The following NFIB variants were observed in gnomAD, a reference collection of about 807,000 sequenced individuals.
NFIB encodes the protein nuclear factor 1 B-type.
Under a neutral mutation model 61.5 loss-of-function variants are expected in NFIB, and 11 were observed. That is an observed-to-expected ratio of 0.18 (90% CI 0.11 to 0.30). The LOEUF (loss-of-function observed/expected upper bound fraction) is 0.30. Ranked by LOEUF, NFIB falls within the 10% of genes least tolerant of loss-of-function variation. The pLI, the probability that NFIB is intolerant of heterozygous loss-of-function variation, is 1.00. For synonymous variants in NFIB, 260 were observed against 216.5 expected (o/e 1.20, Z -1.76); for missense variants, 471 against 608.9 (o/e 0.77, Z 2.38).
chr9:14,294,676 A>G (rs550027377), intron 2 of NFIB, among the ~76,000 whole-genome samples: 6 of 152,300 alleles, frequency 3.9e-5, no homozygotes, highest in African/African-American at 1.4e-4. Flanking sequence ...CTTTCCGTAC[A>G]CCCTAGTTAC....
intron 2 of NFIB, among the ~76,000 whole-genome samples, chr9:14,302,206 A>G (rs1048943499): frequency 1.3e-5 from 2 of 152,234 alleles, no homozygotes; most frequent in Non-Finnish European, 2.9e-5. Context: ...CTTGCAAACA[A>G]TTATCTACTT....
the NFIB span, among the ~76,000 whole-genome samples, chr9:14,497,425 C>G: frequency 0.34 from 51,101 of 152,046 alleles, 9,530 homozygotes; most frequent in African/African-American, 0.5. Context: ...TGTCTAGGAG[C>G]TTATGTCCTA....
the NFIB span, among the ~76,000 whole-genome samples, chr9:14,442,100 G>A: frequency 6.6e-6 from 1 of 152,140 alleles, no homozygotes; most frequent in Non-Finnish European, 1.5e-5. Flanking sequence ...AGCTTGCTCA[G>A]GATCACACAG....
the NFIB span, among the ~76,000 whole-genome samples, chr9:14,406,477 G>T: frequency 6.6e-6 from 1 of 152,176 alleles, no homozygotes; most frequent in Admixed American, 6.6e-5. Context: ...TCTGGACATA[G>T]AGCCTAACTC....
chr9:14,380,430 G>A (rs1419693030), intron 1 of NFIB, among the ~76,000 whole-genome samples: 1 of 152,172 alleles, frequency 6.6e-6, no homozygotes, highest in Non-Finnish European at 1.5e-5. Context: ...ATAGAAAAAT[G>A]TATCGGCACA....
chr9:14,486,944 T>A, the NFIB span, among the ~76,000 whole-genome samples: 1 of 152,234 alleles, frequency 6.6e-6, no homozygotes, highest in African/African-American at 2.4e-5. Context: ...AAGGCAGATA[T>A]CCCAATCTGG....
chr9:14,403,291 C>T (rs192516277), upstream of NFIB, among the ~76,000 whole-genome samples: 10 of 152,276 alleles, frequency 6.6e-5, no homozygotes, highest in South Asian at 4.1e-4. Context: ...CTTTAAGAGA[C>T]GATAGGTTTT....
chr9:14,512,167 C>G, the NFIB span, among the ~76,000 whole-genome samples: 3 of 152,142 alleles, frequency 2.0e-5, no homozygotes, highest in African/African-American at 7.2e-5. Flanking sequence ...ATGAGTAGCG[C>G]TGGTCCCAAG....
the NFIB span, among the ~76,000 whole-genome samples, chr9:14,452,476 G>A: frequency 6.8e-6 from 1 of 146,238 alleles, no homozygotes; most frequent in African/African-American, 2.6e-5. Context: ...GGAAAGGAAA[G>A]GAAAGGAAAG....
chr9:14,286,033 C>A (rs1011069875), intron 2 of NFIB, among the ~76,000 whole-genome samples: 8 of 152,146 alleles, frequency 5.3e-5, no homozygotes, highest in African/African-American at 1.9e-4. Context: ...GTTCCAACGC[C>A]ATGCACACCT....
chr9:14,113,996 C>G (rs1467374196), intron 9 of NFIB, among the ~76,000 whole-genome samples: 1 of 152,194 alleles, frequency 6.6e-6, no homozygotes, highest in Non-Finnish European at 1.5e-5. Context: ...GGCAATCCCA[C>G]TGCTCCATAT....
chr9:14,514,848 T>C, the NFIB span, among the ~76,000 whole-genome samples: 1 of 152,110 alleles, frequency 6.6e-6, no homozygotes, highest in Non-Finnish European at 1.5e-5. Flanking sequence ...TGAACCAGAA[T>C]CACAGTGGAT....
chr9:14,442,493 A>G, the NFIB span, among the ~76,000 whole-genome samples: 1 of 152,280 alleles, frequency 6.6e-6, no homozygotes, highest in East Asian at 1.9e-4. Flanking sequence ...CTTCAACAGC[A>G]GAGACCGATC....
At chr9:14,190,790 G>A (rs2047863190) in intron 2 of NFIB, among the ~76,000 whole-genome samples, 1 of 152,126 alleles carries the variant, frequency 6.6e-6, no homozygotes, top group Admixed American at 6.5e-5. Context: ...GTGAAATAAT[G>A]GGTTTGAAAG....
the NFIB span, among the ~76,000 whole-genome samples, chr9:14,404,792 A>G: frequency 3.3e-5 from 5 of 152,222 alleles, no homozygotes; most frequent in East Asian, 9.7e-4. Flanking sequence ...TAGCAGCAAG[A>G]TTGTCTTCTA....
At chr9:14,310,581 A>G (rs1242555414) in intron 1 of NFIB, among the ~76,000 whole-genome samples, 3 of 152,196 alleles carry the variant, frequency 2.0e-5, no homozygotes, top group African/African-American at 7.2e-5. Flanking sequence ...AGGTTTTCAA[A>G]TATCCTAACT....
chr9:14,085,818 C>T lies in NFIB; in HGVS notation c.*2491G>A, dbSNP rs904887838. 9.0e-6 allele frequency: 2 copies of T among 221,842 alleles called. No homozygotes were observed. Among genetic ancestry groups the T allele is most frequent in the Non-Finnish European group, 1.8e-5 (2 of 110,882 alleles). The allele number at this position is 221,842 out of a possible 1,614,324, so 13.7% of individuals were successfully genotyped here. A position where few individuals can be genotyped will look rare whatever the true frequency, so the allele number is the denominator to read the frequency against. ...GGCAGAAAAGGAATACGGGAGACTC[C>T]CTCCAACAGGTCTAATGTGTTTTCT... On this transcript the variant is annotated 3_prime_UTR_variant, in exon 11 of 11. Transcript: ENST00000380953.
the NFIB span, among the ~76,000 whole-genome samples, chr9:14,425,025 A>G: frequency 6.6e-6 from 1 of 152,164 alleles, no homozygotes; most frequent in African/African-American, 2.4e-5. Flanking sequence ...TAGTGAGTAA[A>G]TATGGAAGTA....
In NFIB at chr9:14,313,559, C is replaced by A. The variant is rs1481339383; in HGVS notation, c.-48G>T. 2 of 1,612,686 alleles carry A rather than the reference C, an allele frequency of 1.2e-6. No individual in the cohort carries two copies. Among genetic ancestry groups the A allele is most frequent in the East Asian group, 2.2e-5 (1 of 44,732 alleles). Reference sequence around the variant, plus strand: ...TCCGGGAGATGCCCAAGAAAATCTTCGAGAAGCAAGAATTTCATCTATTCA... The same window carrying A: ...TCCGGGAGATGCCCAAGAAAATCTTAGAGAAGCAAGAATTTCATCTATTCA... On this transcript the variant is annotated 5_prime_UTR_variant, in exon 1 of 11. An upstream open reading frame in the 5' UTR gains an earlier in-frame stop. Transcript: ENST00000380953. This position sits in a 1 kb window ranked among gnomAD's most constrained non-coding sequence, Gnocchi z 4.5.
Sources: gnomAD v4.1 joint callset for allele counts (sites outside exome capture counted in the v4.1 genomes callset) on GRCh38, gnomAD v4.1.1 for gene constraint, Gnocchi (gnomAD v3.1) non-coding constraint, MANE v1.5 for transcripts, NCBI Gene and HGNC (gene_info 2026-07-23, HGNC 2026-07-21) for gene names.